The following PTPN13 variants were observed in gnomAD, a reference collection of about 807,000 sequenced individuals.
PTPN13 encodes protein tyrosine phosphatase non-receptor type 13, also known as tyrosine-protein phosphatase non-receptor type 13.
In PTPN13, 191 loss-of-function variants were observed where a neutral mutation model predicts 284.0. That is an observed-to-expected ratio of 0.67 (90% CI 0.60 to 0.76). The LOEUF (loss-of-function observed/expected upper bound fraction) is 0.76. Among genes scored for constraint, PTPN13 ranks in the 30% least tolerant of loss-of-function variants. The probability of loss-of-function intolerance (pLI) is 0.00; values close to 1 mark genes in which losing one functional copy is unlikely to be tolerated. For missense variants in PTPN13, 2,797 were observed against 2,939.9 expected, an observed-to-expected ratio of 0.95 and a Z score of 1.12; for synonymous variants, 986 against 1,022.3, an observed-to-expected ratio of 0.96 and a Z score of 0.68.
At chr4:86,637,838 G>A (rs1430261241) in intron 2 of PTPN13, among the ~76,000 whole-genome samples, 2 of 145,664 alleles carry the variant, frequency 1.4e-5, no homozygotes, top group African/African-American at 5.1e-5. Flanking sequence ...AGGGCAATTA[G>A]GCAGGAGAAG....
intron 20 of PTPN13, among the ~76,000 whole-genome samples, chr4:86,756,186 A>C (rs562899140): frequency 2.6e-5 from 4 of 152,022 alleles, no homozygotes; most frequent in Non-Finnish European, 5.9e-5. Context: ...ACTTTGCTTT[A>C]ATCTGTTCTC....
chr4:86,623,579 T>C (rs1721495576), intron 1 of PTPN13, among the ~76,000 whole-genome samples: 1 of 152,192 alleles, frequency 6.6e-6, no homozygotes, highest in Non-Finnish European at 1.5e-5. Flanking sequence ...CCTAACACGA[T>C]GCAACTATCC....
At chr4:86,781,174 T>A (rs891813941) in intron 36 of PTPN13, among the ~76,000 whole-genome samples, 3 of 152,172 alleles carry the variant, frequency 2.0e-5, no homozygotes, top group African/African-American at 7.2e-5. Flanking sequence ...CTATAAAAAT[T>A]CCATCTCAAC....
intron 2 of PTPN13, among the ~76,000 whole-genome samples, chr4:86,637,901 C>G (rs1363395403): frequency 4.0e-5 from 6 of 151,436 alleles, no homozygotes; most frequent in Admixed American, 6.6e-5. Flanking sequence ...TCCCTGTTTG[C>G]AGACGACATG....
chr4:86,721,290 T>G (rs1733620696), intron 9 of PTPN13, among the ~76,000 whole-genome samples: 1 of 152,030 alleles, frequency 6.6e-6, no homozygotes, highest in African/African-American at 2.4e-5. Flanking sequence ...ACCCTCCCCT[T>G]AAGTGAGAGA....
At chr4:86,758,414 A>T (rs1335400885) in intron 21 of PTPN13, 65 bp downstream of exon 21, 1 of 1,347,016 alleles carries the variant, frequency 7.4e-7, no homozygotes, top group Admixed American at 1.9e-5. Context: ...AGTCTATAGC[A>T]TAGCATTGGC....
chr4:86,668,840 C>T (rs1413756576), intron 2 of PTPN13, among the ~76,000 whole-genome samples: 1 of 149,296 alleles, frequency 6.7e-6, no homozygotes, highest in African/African-American at 2.5e-5. Flanking sequence ...CCCCTGACCT[C>T]AGGTGATCTG....
chr4:86,775,746 T>TC, intron 35 of PTPN13, 94 bp downstream of exon 35: 20 of 971,320 alleles, frequency 2.1e-5, no homozygotes, highest in Non-Finnish European at 2.7e-5. Flanking sequence ...ATTACTGAAT[T>TC]AGTAATTCAT....
chr4:86,619,252 A>G (rs1246003037), intron 1 of PTPN13, among the ~76,000 whole-genome samples: 1 of 152,234 alleles, frequency 6.6e-6, no homozygotes, highest in Non-Finnish European at 1.5e-5. Flanking sequence ...TTGATTCTAG[A>G]GAAAATAAAT....
At chr4:86,812,048 C>T (rs918936818) in intron 47 of PTPN13, among the ~76,000 whole-genome samples, 1 of 152,088 alleles carries the variant, frequency 6.6e-6, no homozygotes, top group Non-Finnish European at 1.5e-5. Flanking sequence ...CGGTGGCTCA[C>T]GCCTGTAATC....
At chr4:86,651,899 C>G (rs1346559973) in intron 2 of PTPN13, among the ~76,000 whole-genome samples, 2 of 151,526 alleles carry the variant, frequency 1.3e-5, no homozygotes, top group Non-Finnish European at 2.9e-5. Context: ...AAAAGTTTTT[C>G]AATTTTGTTT....
intron 1 of PTPN13, among the ~76,000 whole-genome samples, chr4:86,613,373 CG>C: frequency 6.6e-6 from 1 of 151,610 alleles, no homozygotes; most frequent in African/African-American, 2.4e-5. Flanking sequence ...CGGTGGCTCA[CG>C]CCTGTAATCC....
At chr4:86,689,884 T>G in intron 5 of PTPN13, 2 of 611,476 alleles carry the variant, frequency 3.3e-6, no homozygotes, top group Non-Finnish European at 5.8e-6. Flanking sequence ...GCTCTTATCC[T>G]TAGGGTTGTA....
At chr4:86,745,954 G>GA (rs1294292893) in intron 17 of PTPN13, among the ~76,000 whole-genome samples, 1 of 152,120 alleles carries the variant, frequency 6.6e-6, no homozygotes, top group South Asian at 2.1e-4. Context: ...AGAGATGAGG[G>GA]AAAAAACACA....
At chr4:86,595,697 C>T (rs1763625678) in intron 1 of PTPN13, 1 of 980,018 alleles carries the variant, frequency 1.0e-6, no homozygotes, top group Admixed American at 6.2e-5. Flanking sequence ...GAGCTGAGCT[C>T]CCTCGCAGAA....
chr4:86,646,228 C>T (rs1191840673), intron 2 of PTPN13, among the ~76,000 whole-genome samples: 2 of 150,172 alleles, frequency 1.3e-5, no homozygotes, highest in Non-Finnish European at 3.0e-5. Context: ...AACATCCACT[C>T]TTCTAAACAT....
chr4:86,658,463 G>A (rs1341241120), intron 2 of PTPN13, among the ~76,000 whole-genome samples: 1 of 152,150 alleles, frequency 6.6e-6, no homozygotes, highest in Admixed American at 6.5e-5. Context: ...ATGGATGGTT[G>A]TTCAATTTAG....
At chr4:86,789,883 A>G (rs1164520473) in intron 40 of PTPN13, among the ~76,000 whole-genome samples, 1 of 151,010 alleles carries the variant, frequency 6.6e-6, no homozygotes, top group African/African-American at 2.4e-5. Context: ...TTTATTGTGA[A>G]GGGCAAAAGA....
At chr4:86,639,572 G>A (rs1010953565) in intron 2 of PTPN13, among the ~76,000 whole-genome samples, 17 of 151,374 alleles carry the variant, frequency 1.1e-4, no homozygotes, top group Middle Eastern at 3.4e-3. Context: ...GCAAACTATC[G>A]CAAGGACAAA....
Sources: allele counts gnomAD v4.1 joint callset (sites outside exome capture counted in the v4.1 genomes callset), GRCh38; gene constraint gnomAD v4.1.1; transcripts MANE v1.5; gene names NCBI Gene and HGNC (gene_info 2026-07-23, HGNC 2026-07-21).